Variants in CDH15 observed in about 807,000 individuals in gnomAD.
CDH15 encodes cadherin 15, also known as cadherin-15.
CDH15 carries 73 observed loss-of-function variants against 69.4 expected under a neutral mutation model. The observed-to-expected ratio is 1.05, with a 90% CI of 0.87 to 1.28. The LOEUF is 1.28. Among genes scored for constraint, CDH15 ranks in the 50% most tolerant of loss-of-function variants. The pLI is 0.00. For synonymous variants in CDH15, 624 were observed against 507.7 expected (o/e 1.23, Z -3.08); for missense variants, 1,343 against 1,133.6 (o/e 1.18, Z -2.65).
chr16:89,180,464 G>A, intron 3 of CDH15, 109 bp downstream of exon 3: 1 of 1,269,180 alleles, frequency 7.9e-7, no homozygotes, highest in East Asian at 2.5e-5. Flanking sequence ...CTTCAGGCCA[G>A]ACTGCAAGAT....
In CDH15 at chr16:89,193,932, A is replaced by G; in HGVS notation, c.2151+19A>G. 6.2e-7 allele frequency: 1 copy of G among 1,610,576 alleles called. No individual in the cohort carries two copies. Among genetic ancestry groups the G allele is most frequent in the Non-Finnish European group, 8.5e-7 (1 of 1,179,210 alleles). Reference sequence around the variant, plus strand: ...CAATGATGTAGGTGCTCCTGGGGACACCCCAGTACACACAGGCACGCACAG... The same window carrying G: ...CAATGATGTAGGTGCTCCTGGGGACGCCCCAGTACACACAGGCACGCACAG... On this transcript the variant is annotated intron_variant, in intron 13 of 13. Coordinates refer to ENST00000289746, the MANE Select transcript of CDH15 (RefSeq NM_004933.3).
At chr16:89,178,279 G>A (rs1430299990) in intron 1 of CDH15, among the ~76,000 whole-genome samples, 2 of 152,238 alleles carry the variant, frequency 1.3e-5, no homozygotes, top group East Asian at 3.9e-4. Flanking sequence ...GTAGGGTGGG[G>A]TGCACAGCAT....
At chr16:89,180,005 G>A (rs147175325) in intron 2 of CDH15, among the ~76,000 whole-genome samples, 195 bp from the exon 3 acceptor site, 1,609 of 152,298 alleles carry the variant, frequency 0.011, 27 homozygotes, top group African/African-American at 0.036. Context: ...GCTGCAAGAC[G>A]GGGCACCCTT....
At chr16:89,187,238 G>A (rs1353734127) in intron 5 of CDH15, among the ~76,000 whole-genome samples, 191 bp from the exon 6 acceptor site, 1 of 152,250 alleles carries the variant, frequency 6.6e-6, no homozygotes, top group African/African-American at 2.4e-5. Flanking sequence ...AGTGCCATAG[G>A]CTAGGGCAGC....
At chr16:89,183,118 G>T (rs1178841046) in intron 3 of CDH15, 1 of 163,226 alleles carries the variant, frequency 6.1e-6, no homozygotes. Context: ...GGAGGCAGAG[G>T]TTGCAGTGAG....
intron 5 of CDH15, chr16:89,185,829 G>A (rs1915470808): frequency 3.9e-6 from 1 of 253,788 alleles, no homozygotes; most frequent in African/African-American, 2.2e-5. Flanking sequence ...GGTGTGCTAG[G>A]TGCCCAGCAC....
At chr16:89,183,405 A>C in intron 3 of CDH15, 143 bp from the exon 4 acceptor site, 1 of 905,248 alleles carries the variant, frequency 1.1e-6, no homozygotes, top group Non-Finnish European at 1.7e-6. Flanking sequence ...CAGATGCCCC[A>C]CCCTGTGCTG....
intron 3 of CDH15, 106 bp from the exon 4 acceptor site, chr16:89,183,442 C>A (rs1300972721): frequency 1.5e-6 from 2 of 1,340,232 alleles, no homozygotes; most frequent in African/African-American, 1.4e-5. Flanking sequence ...GCTGGTGTTT[C>A]CAGCTGGAGA....
intron 13 of CDH15, 101 bp downstream of exon 13, chr16:89,194,014 G>T: frequency 7.4e-7 from 1 of 1,344,744 alleles, no homozygotes; most frequent in Non-Finnish European, 1.0e-6. Flanking sequence ...ACCGGCGCCT[G>T]CATGCACTTA....
chr16:89,175,549 G>A (rs954247326), intron 1 of CDH15, among the ~76,000 whole-genome samples: 1 of 152,232 alleles, frequency 6.6e-6, no homozygotes, highest in African/African-American at 2.4e-5. Context: ...CTCCCGGGGG[G>A]TTGGGAGGAC....
At chr16:89,175,162 T>C (rs1384698784) in intron 1 of CDH15, among the ~76,000 whole-genome samples, 3 of 152,150 alleles carry the variant, frequency 2.0e-5, no homozygotes, top group Admixed American at 2.0e-4. Context: ...TCCCAGCCTC[T>C]GGCTTGACCA....
rs1597312683 is a variant in CDH15, at chr16:89,192,375, C to T, written c.1786C>T (p.Leu596=). Residue 596 remains leucine, a synonymous_variant, in exon 11 of 14, where the codon CTG becomes TTG. Transcript: ENST00000289746. ...GVCLPGAAAL[L]AGGTGLSLGA... ...CTGCCTGCCGGGGGCCGCAGCGCTG[C>T]TGGCGGGGGGCACAGGCCTCAGCCT... is the stretch of plus-strand genomic sequence containing the variant. 1.3e-6 allele frequency: 2 copies of T among 1,538,000 alleles called. No homozygotes were observed. Among genetic ancestry groups the T allele is most frequent in the East Asian group, 2.4e-5 (1 of 41,128 alleles).
chr16:89,177,342 G>A (rs1915278968), intron 1 of CDH15, among the ~76,000 whole-genome samples: 1 of 152,164 alleles, frequency 6.6e-6, no homozygotes, highest in Non-Finnish European at 1.5e-5. Flanking sequence ...TGAGGTGAAA[G>A]GGGAACACAG....
At chr16:89,192,099 C>G in intron 10 of CDH15, 106 bp from the exon 11 acceptor site, 2 of 1,392,890 alleles carry the variant, frequency 1.4e-6, no homozygotes, top group Non-Finnish European at 1.9e-6. Flanking sequence ...GTGGGGGGGA[C>G]CCAGGCCCAG....
chr16:89,183,708 A>G lies in CDH15; in HGVS notation c.502+16A>G. 1 of 1,585,134 alleles carries G rather than the reference A, an allele frequency of 6.3e-7. No individual in the cohort carries two copies. The highest frequency in any genetic ancestry group is 8.6e-7 in the Non-Finnish European group (1 of 1,165,434). ...GCAGTCCCAGGTGAGACAGGACCACAGCCCCGGGCCGGGAGGGGCTGCAAG... is the reference window on the plus strand; with the variant it reads ...GCAGTCCCAGGTGAGACAGGACCACGGCCCCGGGCCGGGAGGGGCTGCAAG... On this transcript the variant is annotated intron_variant, in intron 4 of 13. Coordinates refer to ENST00000289746, the MANE Select transcript of CDH15 (RefSeq NM_004933.3).
At chr16:89,186,484 G>A (rs74187036) in intron 5 of CDH15, among the ~76,000 whole-genome samples, 16,284 of 127,226 alleles carry the variant, frequency 0.13, 1,538 homozygotes, top group East Asian at 0.29. Context: ...CCCACCCAGC[G>A]CACAGTAGGT....
rs1385777657 is a variant in CDH15 at position 89,192,503 on chromosome 16, C to T, written c.1855+59C>T. The T allele has an allele frequency of 1.5e-5, 23 of 1,540,702 alleles. No homozygotes were observed. The Admixed American group carries it at 1.7e-4, about 12-fold the overall frequency. ...GGACCCTCGGACCCTCCTCCCCAGG[C>T]CGTCCCCTGCTAACCAGCCACGCCG... On this transcript the variant is annotated intron_variant, in intron 11 of 13. Transcript: ENST00000289746.
intron 3 of CDH15, among the ~76,000 whole-genome samples, chr16:89,181,976 G>A (rs1038442011): frequency 4.0e-5 from 6 of 150,790 alleles, no homozygotes; most frequent in Admixed American, 6.6e-5. Flanking sequence ...AGAGGAGGAG[G>A]AAGAGGAGGA....
In CDH15 at chr16:89,185,300, G is replaced by A. The variant is rs1915458368; in HGVS notation, c.630G>A (p.Glu210=). ...ELFSIDELTG[E]IRTVQVGLDR... is the part of the protein sequence containing the mutation. ...TCAGCATCGACGAGCTCACAGGAGA[G>A]ATCCGCACAGTGCAAGTGGGGCTGG... Residue 210 remains glutamate (E), a synonymous_variant, in exon 5 of 14, where the codon GAG becomes GAA. Transcript: ENST00000289746. 1 of 1,606,026 alleles carries A rather than the reference G, an allele frequency of 6.2e-7. No individual in the cohort carries two copies.
Sources: gnomAD v4.1 joint callset for allele counts (sites outside exome capture counted in the v4.1 genomes callset) on GRCh38, gnomAD v4.1.1 for gene constraint, MANE v1.5 for transcripts, NCBI Gene and HGNC (gene_info 2026-07-23, HGNC 2026-07-21) for gene names.